Variants in CEP44 observed in about 807,000 individuals in gnomAD.
The protein encoded by CEP44 is centrosomal protein 44.
In CEP44, 45 loss-of-function variants were observed where a neutral mutation model predicts 46.7. The observed-to-expected ratio is 0.96, with a 90% CI of 0.76 to 1.24. The LOEUF is 1.24. CEP44 is among the 50% of genes most tolerant of loss of function. The pLI is 0.00. For missense variants in CEP44, 475 were observed against 459.7 expected (o/e 1.03, Z -0.30); for synonymous variants, 142 against 146.0 (o/e 0.97, Z 0.20).
At position 174,287,764 on chromosome 4, in the gene CEP44, C is replaced by T. The variant is rs1053581767; in HGVS notation, c.-148+3821C>T. Among the ~76,000 whole-genome samples the T allele has an allele frequency of 1.3e-5, 2 of 152,106 alleles. No individual in the cohort carries two copies. The highest frequency in any genetic ancestry group is 2.9e-5 in the Non-Finnish European group (2 of 68,008). On this transcript the variant is annotated intron_variant, in intron 1 of 11. Transcript: ENST00000503780. This position sits in a 1 kb window ranked among gnomAD's most constrained non-coding sequence, Gnocchi z 5.1. Reference sequence around the variant, plus strand: ...TATTATAGGATAATTATAATTATTTCATGCTGACAATATGTTTATAAGTGT... The same window carrying T: ...TATTATAGGATAATTATAATTATTTTATGCTGACAATATGTTTATAAGTGT...
rs918490829 is a variant in CEP44, at chr4:174,311,120, A to G, written c.961+262A>G. ...TATTTTACTGTTTTAATCATTCGAGAATAATCAAGTGCTCTAGGATATTAA... is the reference window on the plus strand; with the variant it reads ...TATTTTACTGTTTTAATCATTCGAGGATAATCAAGTGCTCTAGGATATTAA... On this transcript the variant is annotated intron_variant, in intron 9 of 11. Transcript: ENST00000503780. The surrounding 1 kb of genome is among the most constrained non-coding windows in gnomAD (Gnocchi z 4.4). Among the ~76,000 whole-genome samples, 2 of 152,032 alleles carry G rather than the reference A, an allele frequency of 1.3e-5. No individual in the cohort carries two copies. Among genetic ancestry groups the G allele is most frequent in the African/African-American group, 4.8e-5 (2 of 41,460 alleles).
chr4:174,298,086 C>G (rs1327975242), intron 2 of CEP44, 24 bp downstream of exon 2: 1 of 149,888 alleles, frequency 6.7e-6, no homozygotes, highest in Non-Finnish European at 1.5e-5. Context: ...TATTCATTTG[C>G]TTTTCATTTT....
intron 2 of CEP44, among the ~76,000 whole-genome samples, chr4:174,298,707 A>G (rs569408374): frequency 1.3e-5 from 2 of 152,194 alleles, no homozygotes; most frequent in Admixed American, 6.5e-5. Flanking sequence ...TGTAGCTTCT[A>G]TAAGCATCCA....
chr4:174,320,400 T>G (rs1742207280), downstream of CEP44: 1 of 747,042 alleles, frequency 1.3e-6, no homozygotes, highest in African/African-American at 2.4e-5. Flanking sequence ...GCATAAAAAT[T>G]AATATAACCT....
chr4:174,332,466 A>C (rs891988425), exon 9 of CEP44: 3 of 152,248 alleles, frequency 2.0e-5, no homozygotes, highest in African/African-American at 7.2e-5. Flanking sequence ...CATATGTAAT[A>C]GGCCTTGGCT....
rs1201935601 is a variant in CEP44, at chr4:174,325,711, TAA to T, written c.1087-5766_1087-5765del. Among the ~76,000 whole-genome samples, 4 of 152,124 alleles carry T rather than the reference TAA, an allele frequency of 2.6e-5. No homozygotes were observed. The highest frequency in any genetic ancestry group is 5.9e-5 in the Non-Finnish European group (4 of 68,006). On this transcript the variant is annotated intron_variant, in intron 8 of 8. Coordinates refer to the CEP44 transcript ENST00000426172. This position sits in a 1 kb window ranked among gnomAD's most constrained non-coding sequence, Gnocchi z 4.4. ...TCCAACTAGAACTGTAGATGAAGAC[TAA>T]AAAACTTTTATTTTTTCTTTCAGTT...
In CEP44 at chr4:174,297,515, C is replaced by T. The variant is rs1478319771; in HGVS notation, c.-147-451C>T. 3.3e-5 allele frequency among the ~76,000 whole-genome samples: 5 copies of T among 152,118 alleles called. No individual in the cohort carries two copies. Among genetic ancestry groups the T allele is most frequent in the Admixed American group, 6.5e-5 (1 of 15,284 alleles). On this transcript the variant is annotated intron_variant, in intron 1 of 11. Coordinates refer to ENST00000503780, the MANE Select transcript of CEP44 (RefSeq NM_001040157.3). The surrounding 1 kb of genome is among the most constrained non-coding windows in gnomAD (Gnocchi z 4.3). ...ACCTGCCCTTTTCAATGGGGATTTT[C>T]CTCAAATGTCAGAAATGTGATACTT...
chr4:174,327,700 A>ATTAT (rs1731055549), intron 8 of CEP44, among the ~76,000 whole-genome samples: 1 of 152,150 alleles, frequency 6.6e-6, no homozygotes, highest in South Asian at 2.1e-4. Flanking sequence ...GAATGGATAG[A>ATTAT]TTATTCAGTA....
At position 174,329,659 on chromosome 4, in the gene CEP44, C is replaced by T. The variant is rs780585452; in HGVS notation, c.1087-1823C>T. On this transcript the variant is annotated intron_variant, in intron 8 of 8. Coordinates refer to the CEP44 transcript ENST00000426172. This position sits in a 1 kb window ranked among gnomAD's most constrained non-coding sequence, Gnocchi z 4.0. The stretch of plus-strand genomic sequence containing the variant: ...CCAAAGGGGAAAAGTTCAAAAGGTA[C>T]TTCATAACTTTTTTTTTTAGGTTTA... Among the ~76,000 whole-genome samples the T allele has an allele frequency of 3.3e-5, 5 of 151,956 alleles. No homozygotes were observed. The highest frequency in any genetic ancestry group is 4.8e-5 in the African/African-American group (2 of 41,394).
At position 174,293,851 on chromosome 4, in the gene CEP44, A is replaced by G. The variant is rs542687989; in HGVS notation, c.-147-4115A>G. ...TGTTGAATAGGAGTGGTGAGATAGG[A>G]CATCCTCGTGTTATTCCCAGTCTTT... On this transcript the variant is annotated intron_variant, in intron 1 of 11. Transcript: ENST00000503780. Among the ~76,000 whole-genome samples the G allele has an allele frequency of 1.9e-4, 29 of 152,238 alleles. 1 individual carries two copies. The South Asian group carries it at 2.7e-3, about 14-fold the overall frequency.
intron 11 of CEP44, among the ~76,000 whole-genome samples, chr4:174,316,924 A>T (rs752292376): frequency 1.3e-5 from 2 of 152,128 alleles, no homozygotes; most frequent in Non-Finnish European, 2.9e-5. Context: ...GTTTGGAGAC[A>T]TTTTCAGTGT....
intron 1 of CEP44, among the ~76,000 whole-genome samples, chr4:174,293,189 A>G (rs951694665): frequency 6.6e-6 from 1 of 152,146 alleles, no homozygotes; most frequent in Non-Finnish European, 1.5e-5. Flanking sequence ...TTCCCAGACA[A>G]ACAAGTCTTC....
intron 3 of CEP44, among the ~76,000 whole-genome samples, chr4:174,299,494 T>C (rs1739466059): frequency 6.6e-6 from 1 of 152,218 alleles, no homozygotes; most frequent in African/African-American, 2.4e-5. Flanking sequence ...AGAGGTATAA[T>C]AGATTTTATT....
At chr4:174,304,094 C>A (rs994059052) in intron 5 of CEP44, among the ~76,000 whole-genome samples, 153 bp from the exon 6 acceptor site, 1 of 152,124 alleles carries the variant, frequency 6.6e-6, no homozygotes, top group Non-Finnish European at 1.5e-5. Flanking sequence ...ATTTTCATTA[C>A]TTCTTAGTTT....
chr4:174,295,942 G>A (rs774121889), intron 1 of CEP44, among the ~76,000 whole-genome samples: 13 of 152,068 alleles, frequency 8.5e-5, no homozygotes, highest in Non-Finnish European at 1.3e-4. Context: ...TTCTACGTCC[G>A]TTGATAATAC....
At chr4:174,321,560 G>A (rs1350026036), downstream of CEP44, among the ~76,000 whole-genome samples, 2 of 152,002 alleles carry the variant, frequency 1.3e-5, no homozygotes, top group African/African-American at 4.8e-5. Context: ...AAATATCTGT[G>A]TTTATGTTGA....
chr4:174,308,715 G>A lies in CEP44; in HGVS notation c.534G>A (p.Leu178=). 6.2e-7 allele frequency: 1 copy of A among 1,611,186 alleles called. No individual in the cohort carries two copies. The highest frequency in any genetic ancestry group is 8.5e-7 in the Non-Finnish European group (1 of 1,177,978). The change falls in exon 7 of 12, where the codon TTG becomes TTA. Residue 178 remains leucine, a synonymous_variant. Coordinates refer to ENST00000503780, the MANE Select transcript of CEP44 (RefSeq NM_001040157.3). Reference sequence around the variant, plus strand: ...AGAAAGCTGTGGTGATTCGTCACTTGTATAATGAAGATAATGTTGACATTT... The same window carrying A: ...AGAAAGCTGTGGTGATTCGTCACTTATATAATGAAGATAATGTTGACATTT... The part of the protein sequence containing the change: ...GKKKAVVIRH[L]YNEDNVDISE...
chr4:174,312,317 T>C lies in CEP44; in HGVS notation c.961+1459T>C, dbSNP rs929457167. Among the ~76,000 whole-genome samples, 1 of 152,076 alleles carries C rather than the reference T, an allele frequency of 6.6e-6. No homozygotes were observed. The highest frequency in any genetic ancestry group is 2.4e-5 in the African/African-American group (1 of 41,418). On this transcript the variant is annotated intron_variant, in intron 9 of 11. Transcript: ENST00000503780. This position sits in a 1 kb window ranked among gnomAD's most constrained non-coding sequence, Gnocchi z 4.5. ...TTTTGAGATAAGTGTGGTCTTACTC[T>C]GCTGCTCAGGCTGGAGTGCAGTGGT...
intron 1 of CEP44, among the ~76,000 whole-genome samples, chr4:174,294,990 C>G (rs1456784027): frequency 5.0e-5 from 7 of 138,726 alleles, no homozygotes; most frequent in Non-Finnish European, 1.1e-4. Flanking sequence ...GCTGACCCCC[C>G]CACCTCCCTC....
Sources: allele counts gnomAD v4.1 joint callset (sites outside exome capture counted in the v4.1 genomes callset), GRCh38; gene constraint gnomAD v4.1.1; non-coding constraint Gnocchi (gnomAD v3.1); transcripts MANE v1.5; gene names NCBI Gene and HGNC (gene_info 2026-07-23, HGNC 2026-07-21).